The following SLMAP variants were observed in gnomAD, a reference collection of about 807,000 sequenced individuals.
The protein encoded by SLMAP is sarcolemma associated protein, also known as sarcolemmal membrane-associated protein.
In SLMAP, 44 loss-of-function variants were observed where a neutral mutation model predicts 128.8. That is an observed-to-expected ratio of 0.34 (90% CI 0.27 to 0.44). SLMAP has a LOEUF of 0.44. Among genes scored for constraint, SLMAP ranks in the 20% least tolerant of loss-of-function variants. The pLI is 1.00. For missense variants in SLMAP, 787 were observed against 985.3 expected (o/e 0.80, Z 2.69); for synonymous variants, 327 against 348.8 (o/e 0.94, Z 0.70).
At chr3:57,812,048 GC>G (rs1171010310) in intron 2 of SLMAP, among the ~76,000 whole-genome samples, 2 of 152,056 alleles carry the variant, frequency 1.3e-5, no homozygotes, top group Non-Finnish European at 2.9e-5. Flanking sequence ...TGTTGATAGT[GC>G]CCTTTGACAC....
chr3:57,869,645 T>TATATATATATA (rs1229122004), intron 13 of SLMAP, among the ~76,000 whole-genome samples: 7 of 134,178 alleles, frequency 5.2e-5, no homozygotes, highest in African/African-American at 1.9e-4. Context: ...TATATATATA[T>TATATATATATA]ATATATATAT....
At chr3:57,836,222 G>A (rs1355584809) in intron 3 of SLMAP, among the ~76,000 whole-genome samples, 2 of 151,926 alleles carry the variant, frequency 1.3e-5, no homozygotes, top group African/African-American at 2.4e-5. Context: ...GTGGGTGGGA[G>A]GGAAGAAGGA....
intron 2 of SLMAP, among the ~76,000 whole-genome samples, chr3:57,796,712 C>T (rs1224892460): frequency 6.6e-6 from 1 of 152,020 alleles, no homozygotes; most frequent in Non-Finnish European, 1.5e-5. Context: ...ATCACAGAGA[C>T]TGATTATAAA....
intron 8 of SLMAP, among the ~76,000 whole-genome samples, chr3:57,858,456 CT>C (rs1192067569): frequency 6.6e-6 from 1 of 152,170 alleles, no homozygotes; most frequent in Non-Finnish European, 1.5e-5. Flanking sequence ...TTAGCTCCCC[CT>C]CCCACTCCAT....
In SLMAP at chr3:57,896,585, A is replaced by G. The variant is rs1429521844; in HGVS notation, c.1435A>G (p.Thr479Ala). ...AAGCAAGGAAAAAAGCAGTGACGAC[A>G]CTACAGGTGAGTTTTAACCTAATGT... ...SPSKEKSSDD[T>A]TDAQMDEQDL... The change falls in exon 16 of 25, where the codon ACT (threonine) becomes GCT (alanine). Residue 479 changes from threonine (T) to alanine (A), a missense_variant. Physicochemically the swap from Thr to Ala is moderately conservative, Grantham distance 58. Coordinates refer to ENST00000671191, the MANE Select transcript of SLMAP (RefSeq NM_001377540.1). 6.2e-7 allele frequency: 1 copy of G among 1,607,416 alleles called. No individual in the cohort carries two copies. The highest frequency in any genetic ancestry group is 1.7e-5 in the Admixed American group (1 of 59,094).
intron 19 of SLMAP, among the ~76,000 whole-genome samples, chr3:57,910,518 A>G (rs2096668461): frequency 6.6e-6 from 1 of 152,192 alleles, no homozygotes; most frequent in Non-Finnish European, 1.5e-5. Context: ...ATAGGATAGT[A>G]GTCTCTGCAC....
chr3:57,808,854 G>A (rs1437249884), intron 2 of SLMAP, among the ~76,000 whole-genome samples: 1 of 152,214 alleles, frequency 6.6e-6, no homozygotes, highest in African/African-American at 2.4e-5. Flanking sequence ...ACAGTAGGGT[G>A]TTAAAGTCTC....
chr3:57,914,516 G>A (rs1158184261), intron 21 of SLMAP, among the ~76,000 whole-genome samples: 2 of 151,772 alleles, frequency 1.3e-5, no homozygotes, highest in African/African-American at 4.8e-5. Context: ...ATAAATATAT[G>A]TATATGATAT....
At position 57,915,825 on chromosome 3, in the gene SLMAP, C is replaced by A. The variant is rs1474951032; in HGVS notation, c.2139-1081C>A. On this transcript the variant is annotated intron_variant, in intron 21 of 24. Transcript: ENST00000671191. ...TTCACACATATCAAGCTGTTCTCCA[C>A]ATATGTTGTAAGTCAGATTTTTTTT... Among the ~76,000 whole-genome samples, 4 of 152,264 alleles carry A rather than the reference C, an allele frequency of 2.6e-5. No individual in the cohort carries two copies. In the East Asian group the frequency reaches 7.7e-4, roughly 29 times the overall value.
chr3:57,765,289 C>A (rs2079457286), intron 2 of SLMAP, among the ~76,000 whole-genome samples: 1 of 152,020 alleles, frequency 6.6e-6, no homozygotes, highest in South Asian at 2.1e-4. Context: ...GTAGCCCCAC[C>A]TATTTGGGAG....
intron 3 of SLMAP, among the ~76,000 whole-genome samples, chr3:57,835,889 A>T (rs894901857): frequency 6.8e-6 from 1 of 146,846 alleles, no homozygotes; most frequent in Non-Finnish European, 1.5e-5. Context: ...ACAATACTAT[A>T]TAGTGCTTTT....
intron 2 of SLMAP, among the ~76,000 whole-genome samples, chr3:57,762,348 G>A (rs1481251777): frequency 6.7e-6 from 1 of 150,096 alleles, no homozygotes; most frequent in African/African-American, 2.5e-5. Flanking sequence ...CAGCCTGGGT[G>A]ACAATGTGAG....
chr3:57,908,203 T>C (rs1322543014), intron 18 of SLMAP, among the ~76,000 whole-genome samples, 197 bp downstream of exon 18: 1 of 152,262 alleles, frequency 6.6e-6, no homozygotes, highest in Non-Finnish European at 1.5e-5. Flanking sequence ...TTGCTCTACC[T>C]TCACACTGTT....
intron 3 of SLMAP, among the ~76,000 whole-genome samples, chr3:57,834,162 A>G (rs1411254467): frequency 6.6e-6 from 1 of 152,206 alleles, no homozygotes; most frequent in Non-Finnish European, 1.5e-5. Flanking sequence ...CATGTTAAAG[A>G]AGAAAGACAA....
intron 14 of SLMAP, among the ~76,000 whole-genome samples, chr3:57,874,088 A>G (rs574654116): frequency 6.6e-6 from 1 of 152,130 alleles, no homozygotes; most frequent in East Asian, 1.9e-4. Flanking sequence ...GCACCACTGC[A>G]CTCCGGCCTG....
chr3:57,925,553 C>T (rs912389423), intron 23 of SLMAP, among the ~76,000 whole-genome samples: 1 of 152,096 alleles, frequency 6.6e-6, no homozygotes, highest in African/African-American at 2.4e-5. Context: ...GTCTCAAACT[C>T]CTGACCTCAG....
In SLMAP at chr3:57,866,273, AAAAAGAAAAG is replaced by A. The variant is rs3037507; in HGVS notation, c.1237+998_1237+1007del. 4.4e-4 allele frequency among the ~76,000 whole-genome samples: 67 copies of A among 150,600 alleles called. No homozygotes were observed. In the East Asian group the frequency reaches 5.6e-3, roughly 13 times the overall value. On this transcript the variant is annotated intron_variant, in intron 13 of 24. Coordinates refer to ENST00000671191, the MANE Select transcript of SLMAP (RefSeq NM_001377540.1). The stretch of plus-strand genomic sequence containing the variant: ...GGTGACGAGCAAGGCCCTGTCTTTA[AAAAAGAAAAG>A]AAAAGAAAAGAAAAGACAAAATATT...
chr3:57,877,557 A>G (rs2095631493), intron 14 of SLMAP, among the ~76,000 whole-genome samples: 1 of 152,088 alleles, frequency 6.6e-6, no homozygotes, highest in African/African-American at 2.4e-5. Context: ...AGGTGCTGCT[A>G]ATTTTATTTT....
At chr3:57,814,384 G>A (rs879429701) in intron 2 of SLMAP, among the ~76,000 whole-genome samples, 1 of 151,848 alleles carries the variant, frequency 6.6e-6, no homozygotes, top group East Asian at 1.9e-4. Flanking sequence ...CAAGCAATGC[G>A]CCCACCTCAA....
Sources: allele counts gnomAD v4.1 joint callset (sites outside exome capture counted in the v4.1 genomes callset), GRCh38; gene constraint gnomAD v4.1.1; transcripts MANE v1.5; gene names NCBI Gene and HGNC (gene_info 2026-07-23, HGNC 2026-07-21).